The following ERC1 variants were observed in gnomAD, a reference collection of about 807,000 sequenced individuals.
The protein encoded by ERC1 is ELKS/RAB6-interacting/CAST family member 1, also known as RAB6 interacting protein 2.
In ERC1, 56 loss-of-function variants were observed where a neutral mutation model predicts 132.0. The ratio of observed to expected loss-of-function variants is 0.42; its 90% CI spans 0.34 to 0.53. The LOEUF (loss-of-function observed/expected upper bound fraction) is 0.53. Ranked by LOEUF, ERC1 falls within the 20% of genes least tolerant of loss-of-function variation. The pLI is 0.03. For missense variants in ERC1, 1,202 were observed against 1,349.9 expected, an observed-to-expected ratio of 0.89 and a Z score of 1.72; for synonymous variants, 478 against 476.1, an observed-to-expected ratio of 1.00 and a Z score of -0.05.
At chr12:1,078,655 A>G (rs896556438) in intron 2 of ERC1, among the ~76,000 whole-genome samples, 3 of 152,164 alleles carry the variant, frequency 2.0e-5, no homozygotes, top group African/African-American at 7.2e-5. Context: ...TTGGAAAAAT[A>G]TTTGTAACAT....
rs1162145460 is a variant in ERC1, at chr12:1,398,930, CTTTTT to C, written c.2926-9193_2926-9189del. Among the ~76,000 whole-genome samples, 57 of 93,862 alleles carry C rather than the reference CTTTTT, an allele frequency of 6.1e-4. No homozygotes were observed. The East Asian group carries it at 0.012, about 20-fold the overall frequency. 61.6% of individuals were successfully genotyped at this position (93,862 alleles called of 152,430 possible). The stretch of plus-strand genomic sequence containing the variant: ...AATGAGTTTATTTTCTTTTCTCCTA[CTTTTT>C]TTTTTTTTTTTTTTTTTTTTTTTTT... On this transcript the variant is annotated intron_variant, in intron 16 of 18. Coordinates refer to ENST00000360905, the MANE Select transcript of ERC1 (RefSeq NM_178040.4).
At chr12:1,470,544 C>G (rs147929856) in intron 18 of ERC1, among the ~76,000 whole-genome samples, 2 of 151,720 alleles carry the variant, frequency 1.3e-5, no homozygotes, top group African/African-American at 2.4e-5. Flanking sequence ...CTGGCTGTGT[C>G]TGCGATTCCC....
chr12:1,127,749 CATATT>C (rs1275632289), intron 7 of ERC1, among the ~76,000 whole-genome samples: 3 of 152,096 alleles, frequency 2.0e-5, no homozygotes, highest in African/African-American at 7.2e-5. Context: ...CATATTAAAA[CATATT>C]AGAATAGCTG....
chr12:1,379,541 A>G (rs2088370984), intron 16 of ERC1, among the ~76,000 whole-genome samples: 1 of 152,174 alleles, frequency 6.6e-6, no homozygotes, highest in African/African-American at 2.4e-5. Context: ...GTGTTACCCC[A>G]TTCCCAGTTA....
At chr12:1,245,098 GA>G (rs987726903) in intron 13 of ERC1, 5 of 152,162 alleles carry the variant, frequency 3.3e-5, no homozygotes, top group African/African-American at 1.2e-4. Flanking sequence ...TTTTAACTCT[GA>G]AAAATAAAAT....
intron 16 of ERC1, among the ~76,000 whole-genome samples, chr12:1,390,408 T>C (rs1273701061): frequency 6.6e-6 from 1 of 152,138 alleles, no homozygotes; most frequent in East Asian, 1.9e-4. Context: ...AATAAATCAA[T>C]ACATTTAAAA....
intron 7 of ERC1, among the ~76,000 whole-genome samples, chr12:1,129,442 C>T (rs558622921): frequency 2.2e-4 from 33 of 152,314 alleles, no homozygotes; most frequent in African/African-American, 7.5e-4. Flanking sequence ...TATCCCTTGA[C>T]CTTAGCTAAG....
chr12:1,328,025 T>A (rs995061084), intron 15 of ERC1, among the ~76,000 whole-genome samples: 1 of 152,218 alleles, frequency 6.6e-6, no homozygotes, highest in Non-Finnish European at 1.5e-5. Flanking sequence ...ACAGGAATTA[T>A]TCTATTTTAT....
intron 14 of ERC1, among the ~76,000 whole-genome samples, chr12:1,273,339 G>A (rs2078013961): frequency 6.6e-6 from 1 of 152,092 alleles, no homozygotes; most frequent in Non-Finnish European, 1.5e-5. Flanking sequence ...CTTCTTAGTA[G>A]CAATGCTCAC....
intron 18 of ERC1, among the ~76,000 whole-genome samples, chr12:1,484,088 G>T (rs11061777): frequency 6.6e-6 from 1 of 150,772 alleles, no homozygotes; most frequent in South Asian, 2.1e-4. Flanking sequence ...GGCGGATCAC[G>T]AGGTCAGGAG....
chr12:1,470,111 GAT>G (rs1425218269), intron 18 of ERC1, among the ~76,000 whole-genome samples: 5 of 149,288 alleles, frequency 3.3e-5, no homozygotes, highest in African/African-American at 1.3e-4. Flanking sequence ...GAATGTATCA[GAT>G]TTATACTAAA....
At chr12:1,023,487 T>C (rs902845421) in intron 1 of ERC1, among the ~76,000 whole-genome samples, 4 of 151,942 alleles carry the variant, frequency 2.6e-5, no homozygotes, top group Non-Finnish European at 5.9e-5. Flanking sequence ...TTTGGGGGCA[T>C]GGTGTATTTG....
chr12:1,271,277 T>C (rs548175084), intron 14 of ERC1, among the ~76,000 whole-genome samples: 1 of 152,280 alleles, frequency 6.6e-6, no homozygotes, highest in East Asian at 1.9e-4. Flanking sequence ...GCTGAAGAGA[T>C]TCCACAGTGA....
chr12:1,078,093 T>C (rs1941621838), intron 2 of ERC1, among the ~76,000 whole-genome samples: 1 of 152,224 alleles, frequency 6.6e-6, no homozygotes, highest in African/African-American at 2.4e-5. Context: ...CATTTAGCCA[T>C]ATGTGCCAAA....
intron 16 of ERC1, among the ~76,000 whole-genome samples, chr12:1,394,877 C>T (rs2090401047): frequency 6.6e-6 from 1 of 152,196 alleles, no homozygotes; most frequent in Non-Finnish European, 1.5e-5. Flanking sequence ...CTCAGCCACT[C>T]AGATAACCTA....
intron 2 of ERC1, among the ~76,000 whole-genome samples, chr12:1,046,773 C>T (rs184390205): frequency 6.6e-6 from 1 of 152,114 alleles, no homozygotes; most frequent in East Asian, 1.9e-4. Context: ...GAAACTGAGG[C>T]TGAGAGTAAG....
chr12:1,253,982 C>T (rs2076630247), intron 13 of ERC1, among the ~76,000 whole-genome samples: 1 of 152,196 alleles, frequency 6.6e-6, no homozygotes, highest in South Asian at 2.1e-4. Context: ...ACACAAACCT[C>T]CTGCCGTGAA....
chr12:1,069,213 C>A (rs1268417802), intron 2 of ERC1, among the ~76,000 whole-genome samples: 4 of 151,972 alleles, frequency 2.6e-5, no homozygotes, highest in Non-Finnish European at 4.4e-5. Flanking sequence ...ATCATTTATA[C>A]CAAAAGTTAG....
chr12:1,154,780 C>A (rs1951209364), intron 8 of ERC1, among the ~76,000 whole-genome samples: 1 of 151,940 alleles, frequency 6.6e-6, no homozygotes, highest in Admixed American at 6.6e-5. Flanking sequence ...AGAAGATATA[C>A]AAATGCCCAA....
Sources: gnomAD v4.1 joint callset for allele counts (sites outside exome capture counted in the v4.1 genomes callset) on GRCh38, gnomAD v4.1.1 for gene constraint, MANE v1.5 for transcripts, NCBI Gene and HGNC (gene_info 2026-07-23, HGNC 2026-07-21) for gene names.